Variants in TMEM181 observed in about 807,000 individuals in gnomAD.
TMEM181 encodes the protein G protein-coupled receptor 178.
A neutral mutation model predicts 71.9 loss-of-function variants in TMEM181; 39 were observed. The observed-to-expected ratio is 0.54, with a 90% confidence interval of 0.42 to 0.71. The LOEUF (loss-of-function observed/expected upper bound fraction) is 0.71, where lower values mean the gene tolerates loss of function less well. Ranked by LOEUF, TMEM181 falls within the 30% of genes least tolerant of loss-of-function variation. TMEM181 has a pLI of 0.00. For missense variants in TMEM181, 595 were observed against 583.0 expected (o/e 1.02, Z -0.21); for synonymous variants, 245 against 228.8 (o/e 1.07, Z -0.64).
chr6:158,558,823 G>A (rs916443729), upstream of TMEM181, among the ~76,000 whole-genome samples: 2 of 152,018 alleles, frequency 1.3e-5, no homozygotes, highest in African/African-American at 4.8e-5. Context: ...AACAGGCTCC[G>A]GGGTTGGGGA....
intron 1 of TMEM181, among the ~76,000 whole-genome samples, chr6:158,562,655 T>G (rs935717580): frequency 6.6e-6 from 1 of 152,056 alleles, no homozygotes; most frequent in Non-Finnish European, 1.5e-5. Context: ...GCCTCCTGAG[T>G]CTCCCAGTGC....
At chr6:158,583,881 G>A (rs1253761623) in intron 3 of TMEM181, 73 bp from the exon 4 acceptor site, 4 of 1,077,838 alleles carry the variant, frequency 3.7e-6, no homozygotes, top group South Asian at 1.6e-5. Context: ...TAAACTTTGT[G>A]TGTTAAAACG....
intron 1 of TMEM181, among the ~76,000 whole-genome samples, chr6:158,570,025 T>C (rs544459971): frequency 6.6e-6 from 1 of 152,334 alleles, no homozygotes; most frequent in East Asian, 1.9e-4. Context: ...TTATTCTGGT[T>C]TTCTCTGCTT....
Position 158,628,478 on chromosome 6 carries a change from C to T in TMEM181, c.1180C>T (p.His394Tyr). The T allele has an allele frequency of 6.2e-7, 1 of 1,614,152 alleles. No individual in the cohort carries two copies. The highest frequency in any genetic ancestry group is 1.1e-5 in the South Asian group (1 of 91,068). Residue 394 changes from histidine (H) to tyrosine (Y), a missense_variant, in exon 14 of 17, where the codon CAC becomes TAC. Coordinates refer to ENST00000684151, the MANE Select transcript of TMEM181 (RefSeq NM_001376852.1). ...CAATTTTGTAGCAGAGCTGTCAACT[C>T]ACTACCAGAATTATATCCTTTTCAC... ...QDNFVAELSTHYQNSAEFLSF... is the reference protein window; with the variant it reads ...QDNFVAELSTYYQNSAEFLSF...
At chr6:158,595,992 G>A (rs1268232265) in intron 6 of TMEM181, among the ~76,000 whole-genome samples, 1 of 152,084 alleles carries the variant, frequency 6.6e-6, no homozygotes, top group African/African-American at 2.4e-5. Context: ...CGCGATCTCG[G>A]CTCACTGCAA....
At chr6:158,565,789 A>C (rs1782457562) in intron 1 of TMEM181, among the ~76,000 whole-genome samples, 1 of 152,044 alleles carries the variant, frequency 6.6e-6, no homozygotes, top group Admixed American at 6.5e-5. Context: ...GAAATCCTGA[A>C]AACTGGTGCA....
intron 6 of TMEM181, among the ~76,000 whole-genome samples, chr6:158,593,619 T>C (rs1026236276): frequency 3.3e-5 from 5 of 152,234 alleles, no homozygotes; most frequent in African/African-American, 1.2e-4. Context: ...TGGCAGCTTG[T>C]AGAGAGATGC....
intron 7 of TMEM181, among the ~76,000 whole-genome samples, chr6:158,605,983 C>T (rs1051445507): frequency 2.0e-5 from 3 of 152,212 alleles, no homozygotes; most frequent in African/African-American, 7.2e-5. Flanking sequence ...CCTGCATCAG[C>T]TGCTTGTCCT....
intron 3 of TMEM181, among the ~76,000 whole-genome samples, chr6:158,581,602 AAATT>A (rs776305621): frequency 4.2e-4 from 64 of 152,016 alleles, no homozygotes; most frequent in Non-Finnish European, 8.1e-4. Context: ...AAATACAAAA[AAATT>A]AGCTGGGCGT....
chr6:158,569,667 C>A (rs562867651), intron 1 of TMEM181, among the ~76,000 whole-genome samples: 68 of 150,484 alleles, frequency 4.5e-4, no homozygotes, highest in South Asian at 1.0e-3. Context: ...GTGGCATGGT[C>A]TAGGCTCACT....
upstream of TMEM181, among the ~76,000 whole-genome samples, chr6:158,559,189 C>G (rs1782017289): frequency 6.6e-6 from 1 of 152,110 alleles, no homozygotes. Context: ...ACCTTCTCCA[C>G]TCCCCCAAGG....
In TMEM181 at chr6:158,632,001, C is replaced by T; in HGVS notation, c.*113C>T. On this transcript the variant is annotated 3_prime_UTR_variant, in exon 17 of 17. Coordinates refer to ENST00000684151, the MANE Select transcript of TMEM181 (RefSeq NM_001376852.1). ...TTCTTACAAGCAGAGATTTCCTGTT[C>T]ATTTGTTTACATATTTTTTTAAAGG... The T allele has an allele frequency of 9.6e-7, 1 of 1,042,302 alleles. No homozygotes were observed. Among genetic ancestry groups the T allele is most frequent in the South Asian group, 1.6e-5 (1 of 61,008 alleles). 64.6% of individuals were successfully genotyped at this position (1,042,302 alleles called of 1,614,324 possible).
intron 6 of TMEM181, among the ~76,000 whole-genome samples, chr6:158,594,165 C>A (rs1289874464): frequency 7.3e-6 from 1 of 137,904 alleles, no homozygotes; most frequent in Non-Finnish European, 1.5e-5. Flanking sequence ...GTGGTGAGAT[C>A]TCAGCTCACT....
At chr6:158,563,674 T>A (rs1468520516) in intron 1 of TMEM181, among the ~76,000 whole-genome samples, 1 of 152,228 alleles carries the variant, frequency 6.6e-6, no homozygotes, top group Non-Finnish European at 1.5e-5. Context: ...ACCAACATGC[T>A]CCTGCGTGTG....
chr6:158,583,376 G>C (rs1252301646), intron 3 of TMEM181, among the ~76,000 whole-genome samples: 2 of 152,090 alleles, frequency 1.3e-5, no homozygotes, highest in Non-Finnish European at 2.9e-5. Flanking sequence ...ATTTAAGTAA[G>C]TGTATTGTCC....
chr6:158,601,365 A>G (rs1485445218), intron 6 of TMEM181, among the ~76,000 whole-genome samples: 1 of 152,188 alleles, frequency 6.6e-6, no homozygotes, highest in African/African-American at 2.4e-5. Context: ...CCTGACCAAC[A>G]TAGTGAAACT....
Position 158,583,957 on chromosome 6 carries a change from A to G in TMEM181, c.172A>G (p.Lys58Glu), listed in dbSNP as rs376234781. The stretch of plus-strand genomic sequence containing the variant: ...TACTTTGTTTTTTTTTCTTCAGCTA[A>G]AGCCAATTCAAATACTTTCAAATCC... ...NFSLNNSKKL[K>E]PIQILSNPLS... Residue 58 changes from lysine (K) to glutamate (E), a missense_variant, in exon 4 of 17, where the codon AAG becomes GAG. Transcript: ENST00000684151. 1 of 1,602,422 alleles carries G rather than the reference A, an allele frequency of 6.2e-7. No individual in the cohort carries two copies. The highest frequency in any genetic ancestry group is 8.5e-7 in the Non-Finnish European group (1 of 1,174,100).
At chr6:158,539,553 T>C (rs1048002943) in intron 1 of TMEM181, among the ~76,000 whole-genome samples, 2 of 152,242 alleles carry the variant, frequency 1.3e-5, no homozygotes, top group Admixed American at 1.3e-4. Flanking sequence ...CTCACGTGGT[T>C]GGCAGTTTTC....
chr6:158,614,980 T>G (rs1012768226), intron 10 of TMEM181, among the ~76,000 whole-genome samples: 4 of 152,226 alleles, frequency 2.6e-5, no homozygotes, highest in Admixed American at 1.3e-4. Context: ...TAGCATGATT[T>G]GTCATCCTTT....
Sources: gnomAD v4.1 joint callset for allele counts (sites outside exome capture counted in the v4.1 genomes callset) on GRCh38, gnomAD v4.1.1 for gene constraint, MANE v1.5 for transcripts, NCBI Gene and HGNC (gene_info 2026-07-23, HGNC 2026-07-21) for gene names.